The following AFDN variants were observed in gnomAD, a reference collection of about 807,000 sequenced individuals.
AFDN encodes the protein afadin.
In AFDN, 68 loss-of-function variants were observed where a neutral mutation model predicts 216.6. That is an observed-to-expected ratio of 0.31 (90% CI 0.26 to 0.38). AFDN has a LOEUF of 0.38. AFDN is among the 10% of genes least tolerant of loss of function. AFDN has a pLI of 1.00. For missense variants in AFDN, 2,136 were observed against 2,342.0 expected (o/e 0.91, Z 1.82); for synonymous variants, 868 against 853.7 (o/e 1.02, Z -0.29).
chr6:167,867,780 C>T (rs1028564000), intron 2 of AFDN, among the ~76,000 whole-genome samples: 2 of 152,122 alleles, frequency 1.3e-5, no homozygotes, highest in East Asian at 1.9e-4. Context: ...TTACCAGCCT[C>T]CTTGTAGCAT....
Position 167,929,175 on chromosome 6 carries a change from C to G in AFDN, c.3099+4084C>G, listed in dbSNP as rs370649057. Among the ~76,000 whole-genome samples the G allele has an allele frequency of 2.4e-4, 36 of 151,676 alleles. 1 individual carries two copies. The South Asian group carries it at 4.2e-3, about 18-fold the overall frequency. ...TAGTTAAAATAATATTTCAGAAAGA[C>G]TATTACTGCCTATCGTGTGAAAAGT... On this transcript the variant is annotated intron_variant, in intron 23 of 33. Coordinates refer to ENST00000683244, the MANE Select transcript of AFDN (RefSeq NM_001386888.1).
chr6:167,951,105 T>C lies in AFDN; in HGVS notation c.3832-81T>C. The C allele has an allele frequency of 6.8e-7, 1 of 1,461,936 alleles. No individual in the cohort carries two copies. The allele number at this position is 1,461,936 out of a possible 1,614,324, so 90.6% of individuals were successfully genotyped here. A position where few individuals can be genotyped will look rare whatever the true frequency, so the allele number is the denominator to read the frequency against. On this transcript the variant is annotated intron_variant, in intron 29 of 33. Transcript: ENST00000683244. The surrounding 1 kb of genome is among the most constrained non-coding windows in gnomAD (Gnocchi z 7.1). ...TACACTGATTTAACAGTTTTTCTTC[T>C]GTCTGAAGATAAAATGTTTGTGGAT...
intron 8 of AFDN, 109 bp from the exon 9 acceptor site, chr6:167,893,753 G>GT (rs1249227222): frequency 2.4e-5 from 20 of 827,532 alleles, no homozygotes; most frequent in South Asian, 1.0e-4. Context: ...TCTCACTGAA[G>GT]TTCACCCTCT....
rs779064050 is a variant in AFDN at position 167,914,784 on chromosome 6, G to GT, written c.2299+49dup. On this transcript the variant is annotated intron_variant, in intron 18 of 33. Transcript: ENST00000683244. The stretch of plus-strand genomic sequence containing the variant: ...TCTCCCTCTATCCCGCTTCCTTCAC[G>GT]TTTAGCATCATTTTAATGCTTAGCG... 13 of 1,343,770 alleles carry GT rather than the reference G, an allele frequency of 9.7e-6. No homozygotes were observed. In the East Asian group the frequency reaches 2.5e-4, roughly 26 times the overall value. The allele number at this position is 1,343,770 out of a possible 1,614,324, so 83.2% of individuals were successfully genotyped here.
intron 1 of AFDN, among the ~76,000 whole-genome samples, chr6:167,856,134 A>G (rs1446330279): frequency 6.6e-6 from 1 of 152,104 alleles, no homozygotes; most frequent in East Asian, 1.9e-4. Context: ...CTCATTTATC[A>G]GATAGACTGC....
chr6:167,912,429 C>G (rs1020497266), intron 15 of AFDN, among the ~76,000 whole-genome samples: 22 of 152,040 alleles, frequency 1.4e-4, no homozygotes, highest in Non-Finnish European at 2.9e-5. Context: ...CTTTTAGTTC[C>G]TTCAGAATTG....
At position 167,970,051 on chromosome 6, in the gene AFDN, T is replaced by C; in HGVS notation, c.*116T>C. On this transcript the variant is annotated 3_prime_UTR_variant, in exon 34 of 34. Coordinates refer to ENST00000683244, the MANE Select transcript of AFDN (RefSeq NM_001386888.1). Reference sequence around the variant, plus strand: ...GGTTATATTTCTAAGTGATTTACAATTTCTGTTTCTAAAATTGTTGGGATT... The same window carrying C: ...GGTTATATTTCTAAGTGATTTACAACTTCTGTTTCTAAAATTGTTGGGATT... The C allele has an allele frequency of 1.2e-6, 1 of 816,356 alleles. No individual in the cohort carries two copies. The highest frequency in any genetic ancestry group is 2.0e-5 in the South Asian group (1 of 49,056). The allele number at this position is 816,356 out of a possible 1,614,324, so 50.6% of individuals were successfully genotyped here. A position where few individuals can be genotyped will look rare whatever the true frequency, so the allele number is the denominator to read the frequency against.
rs148075731 is a variant in AFDN at position 167,938,622 on chromosome 6, A to G, written c.3100-4507A>G. Among the ~76,000 whole-genome samples the G allele has an allele frequency of 3.3e-5, 5 of 152,284 alleles. No individual in the cohort carries two copies. The East Asian group carries it at 9.6e-4, about 29-fold the overall frequency. ...TTTTCTATTGCATATAGTATGATAA[A>G]TTACCTACCTTAAAATGGTAGAGGA... On this transcript the variant is annotated intron_variant, in intron 23 of 33. Transcript: ENST00000683244.
intron 1 of AFDN, among the ~76,000 whole-genome samples, chr6:167,834,260 C>T (rs1780148736): frequency 6.6e-6 from 1 of 152,004 alleles, no homozygotes; most frequent in Admixed American, 6.6e-5. Context: ...CTCTTCCCAC[C>T]CTTTTCCCCG....
At chr6:167,943,371 A>C (rs372778492) in intron 24 of AFDN, 31 bp from the exon 25 acceptor site, 2 of 1,602,354 alleles carry the variant, frequency 1.2e-6, no homozygotes, top group African/African-American at 1.3e-5. Flanking sequence ...CTCTACCCCT[A>C]ATCCATGCAC....
rs1797459357 is a variant in AFDN at position 167,965,627 on chromosome 6, A to G, written c.4969-130A>G. 3 of 821,958 alleles carry G rather than the reference A, an allele frequency of 3.6e-6. No homozygotes were observed. In the Admixed American group the frequency reaches 9.0e-5, roughly 25 times the overall value. The allele number at this position is 821,958 out of a possible 1,614,324, so 50.9% of individuals were successfully genotyped here. A position where few individuals can be genotyped will look rare whatever the true frequency, so the allele number is the denominator to read the frequency against. On this transcript the variant is annotated intron_variant, in intron 31 of 33. Transcript: ENST00000683244. ...TCTGGATTGACCTGCTGCTTCTGTT[A>G]CATAGTAATTGTAACTATTAAACTT...
intron 6 of AFDN, among the ~76,000 whole-genome samples, chr6:167,881,332 G>A (rs1786084406): frequency 6.6e-6 from 1 of 152,132 alleles, no homozygotes; most frequent in African/African-American, 2.4e-5. Flanking sequence ...GACAGTAGAT[G>A]GGAAATCATG....
intron 5 of AFDN, among the ~76,000 whole-genome samples, chr6:167,878,787 C>A (rs1030864275): frequency 7.9e-5 from 12 of 152,176 alleles, no homozygotes; most frequent in Non-Finnish European, 1.8e-4. Flanking sequence ...GGCCAGTGAA[C>A]CCAACCAGAC....
At chr6:167,867,324 TC>T (rs1270634527) in intron 2 of AFDN, among the ~76,000 whole-genome samples, 1 of 152,226 alleles carries the variant, frequency 6.6e-6, no homozygotes, top group Admixed American at 6.5e-5. Context: ...GGTTTTAACT[TC>T]TTATATTTTC....
At chr6:167,946,094 G>A (rs528667581) in intron 26 of AFDN, among the ~76,000 whole-genome samples, 2 of 152,196 alleles carry the variant, frequency 1.3e-5, no homozygotes, top group Non-Finnish European at 2.9e-5. Flanking sequence ...ACAAAACCTC[G>A]TGTGGTATTG....
intron 30 of AFDN, among the ~76,000 whole-genome samples, chr6:167,956,690 C>T (rs1219117074): frequency 6.6e-6 from 1 of 152,202 alleles, no homozygotes; most frequent in Non-Finnish European, 1.5e-5. Flanking sequence ...TGCCTTCAGC[C>T]TTCCCCATTT....
chr6:167,898,186 G>A lies in AFDN; in HGVS notation c.1318-19G>A. 1 of 1,610,692 alleles carries A rather than the reference G, an allele frequency of 6.2e-7. No homozygotes were observed. Among genetic ancestry groups the A allele is most frequent in the Non-Finnish European group, 8.5e-7 (1 of 1,177,640 alleles). On this transcript the variant is annotated intron_variant, in intron 10 of 33. Transcript: ENST00000683244. ...TGAACTTCATGATGGGAGTTTCTTT[G>A]GTTTCCTTCGGTTTCCAGTTGTTTG...
intron 13 of AFDN, among the ~76,000 whole-genome samples, chr6:167,910,345 T>G (rs1231062047): frequency 6.6e-6 from 1 of 152,230 alleles, no homozygotes; most frequent in African/African-American, 2.4e-5. Flanking sequence ...TTTATAGAGA[T>G]AGAAATGAAC....
intron 1 of AFDN, 114 bp downstream of exon 1, chr6:167,827,351 C>CG (rs1173630280): frequency 2.2e-5 from 4 of 178,446 alleles, no homozygotes; most frequent in East Asian, 4.2e-4. Context: ...CCCCCTCCCC[C>CG]CTCCGCCCCT....
Sources: gnomAD v4.1 joint callset for allele counts (sites outside exome capture counted in the v4.1 genomes callset) on GRCh38, gnomAD v4.1.1 for gene constraint, Gnocchi (gnomAD v3.1) non-coding constraint, MANE v1.5 for transcripts, NCBI Gene and HGNC (gene_info 2026-07-23, HGNC 2026-07-21) for gene names.